Variants in EFNA5 observed in about 807,000 individuals in gnomAD.
EFNA5 encodes ephrin-A5.
Under a neutral mutation model 22.9 loss-of-function variants are expected in EFNA5, and 5 were observed. The ratio of observed to expected loss-of-function variants is 0.22; its 90% CI spans 0.11 to 0.46. The LOEUF (loss-of-function observed/expected upper bound fraction) is 0.46. Among genes scored for constraint, EFNA5 ranks in the 20% least tolerant of loss-of-function variants. The probability of loss-of-function intolerance (pLI) is 0.99; values close to 1 mark genes in which losing one functional copy is unlikely to be tolerated. For synonymous variants in EFNA5, 113 were observed against 112.2 expected (o/e 1.01, Z -0.04); for missense variants, 237 against 293.3 (o/e 0.81, Z 1.40).
intron 1 of EFNA5, among the ~76,000 whole-genome samples, chr5:107,565,908 A>G (rs1580533531): frequency 6.6e-6 from 1 of 152,348 alleles, no homozygotes; most frequent in Admixed American, 6.5e-5. Flanking sequence ...ATTTTACTTT[A>G]GCTGCTGCTT....
At chr5:107,599,639 A>G (rs1427247805) in intron 1 of EFNA5, among the ~76,000 whole-genome samples, 1 of 152,238 alleles carries the variant, frequency 6.6e-6, no homozygotes, top group African/African-American at 2.4e-5. Context: ...ACTTTTTATA[A>G]CATGTAGTAA....
At chr5:107,472,716 G>C (rs1750171985) in intron 1 of EFNA5, among the ~76,000 whole-genome samples, 2 of 152,188 alleles carry the variant, frequency 1.3e-5, no homozygotes, top group Admixed American at 1.3e-4. Context: ...AGAGACATCT[G>C]CAGCACAGAG....
intron 1 of EFNA5, among the ~76,000 whole-genome samples, chr5:107,437,379 C>T (rs1298015228): frequency 6.6e-6 from 1 of 152,126 alleles, no homozygotes; most frequent in African/African-American, 2.4e-5. Context: ...CAGTTAGGAC[C>T]TTGTGAGCAG....
At chr5:107,460,537 A>C (rs1749810056) in intron 1 of EFNA5, among the ~76,000 whole-genome samples, 1 of 152,218 alleles carries the variant, frequency 6.6e-6, no homozygotes, top group Non-Finnish European at 1.5e-5. Context: ...TTGAGTGAGT[A>C]AAGCCTCTTT....
At chr5:107,478,743 T>C (rs552791134) in intron 1 of EFNA5, among the ~76,000 whole-genome samples, 8 of 152,318 alleles carry the variant, frequency 5.3e-5, no homozygotes, top group East Asian at 3.9e-4. Context: ...CTGGAACCAA[T>C]AGAAATCCTG....
In EFNA5 at chr5:107,499,631, G is replaced by T. The variant is rs541411027; in HGVS notation, c.126-72122C>A. Among the ~76,000 whole-genome samples, 4 of 152,308 alleles carry T rather than the reference G, an allele frequency of 2.6e-5. No individual in the cohort carries two copies. In the East Asian group the frequency reaches 7.7e-4, roughly 29 times the overall value. ...CAGATGGACTAGCATTGGCCTATAT[G>T]TGCACAGAGATACAGGTATTAGCCA... On this transcript the variant is annotated intron_variant, in intron 1 of 4. Transcript: ENST00000333274.
chr5:107,488,698 C>CT (rs59146531), intron 1 of EFNA5, among the ~76,000 whole-genome samples: 6,568 of 151,650 alleles, frequency 0.043, 471 homozygotes, highest in African/African-American at 0.15. Context: ...CAAAAAAACT[C>CT]TTTTTTTTTC....
At chr5:107,582,873 A>T (rs1401832646) in intron 1 of EFNA5, among the ~76,000 whole-genome samples, 1 of 152,148 alleles carries the variant, frequency 6.6e-6, no homozygotes, top group African/African-American at 2.4e-5. Context: ...AGATGAATAG[A>T]TAGAAGATTA....
At chr5:107,451,229 A>G (rs1328296342) in intron 1 of EFNA5, among the ~76,000 whole-genome samples, 3 of 152,224 alleles carry the variant, frequency 2.0e-5, no homozygotes, top group Non-Finnish European at 4.4e-5. Flanking sequence ...CATTTACTTC[A>G]CATGTGTAAT....
chr5:107,429,106 C>G (rs749596061), intron 1 of EFNA5, among the ~76,000 whole-genome samples: 2 of 152,116 alleles, frequency 1.3e-5, no homozygotes, highest in Non-Finnish European at 2.9e-5. Context: ...AACATAATAA[C>G]GACCTCTGAC....
At chr5:107,523,059 A>G (rs1459195001) in intron 1 of EFNA5, among the ~76,000 whole-genome samples, 1 of 152,204 alleles carries the variant, frequency 6.6e-6, no homozygotes, top group Non-Finnish European at 1.5e-5. Flanking sequence ...TTACCAAGTT[A>G]ATATCACTAA....
At chr5:107,499,235 C>T (rs138979868) in intron 1 of EFNA5, among the ~76,000 whole-genome samples, 2 of 152,180 alleles carry the variant, frequency 1.3e-5, no homozygotes, top group East Asian at 3.9e-4. Flanking sequence ...TTAAATCTCC[C>T]ACAATGCACA....
chr5:107,575,088 C>A (rs1008998047), intron 1 of EFNA5, among the ~76,000 whole-genome samples: 5 of 152,146 alleles, frequency 3.3e-5, no homozygotes, highest in African/African-American at 1.2e-4. Flanking sequence ...CACATTAACT[C>A]TTCAAACGTA....
intron 2 of EFNA5, among the ~76,000 whole-genome samples, chr5:107,422,701 G>A (rs1300091594): frequency 6.6e-6 from 1 of 152,176 alleles, no homozygotes; most frequent in East Asian, 1.9e-4. Context: ...TCAGGGAAAG[G>A]AGTTCAACCA....
chr5:107,427,121 A>G (rs1304276980), intron 2 of EFNA5, 96 bp downstream of exon 2: 2 of 1,322,860 alleles, frequency 1.5e-6, no homozygotes, highest in African/African-American at 2.9e-5. Context: ...TCTGTAATGC[A>G]GAGTCCAGCT....
chr5:107,561,128 A>G (rs1299879865), intron 1 of EFNA5, among the ~76,000 whole-genome samples: 2 of 152,140 alleles, frequency 1.3e-5, no homozygotes, highest in Non-Finnish European at 2.9e-5. Flanking sequence ...CTGATGAGCA[A>G]ATTAAGCATA....
In EFNA5 at chr5:107,635,238, C is replaced by T. The variant is rs115384746; in HGVS notation, c.125+35251G>A. On this transcript the variant is annotated intron_variant, in intron 1 of 4. Coordinates refer to ENST00000333274, the MANE Select transcript of EFNA5 (RefSeq NM_001962.3). ...CGGCCAAAGTCAATAAATCATGATG[C>T]CGGGTTTTTACTTTAATGTATAACT... Among the ~76,000 whole-genome samples the T allele has an allele frequency of 3.2e-3, 484 of 152,212 alleles. 4 individuals carry two copies. The highest frequency in any genetic ancestry group is 0.011 in the African/African-American group (453 of 41,540).
chr5:107,635,565 T>C (rs1284317696), intron 1 of EFNA5, among the ~76,000 whole-genome samples: 1 of 152,238 alleles, frequency 6.6e-6, no homozygotes, highest in South Asian at 2.1e-4. Flanking sequence ...ACCCCAGGGA[T>C]TTCATTTTGT....
chr5:107,542,530 T>C (rs1316649509), intron 1 of EFNA5, among the ~76,000 whole-genome samples: 1 of 151,614 alleles, frequency 6.6e-6, no homozygotes, highest in Non-Finnish European at 1.5e-5. Context: ...ACTTTCCTTT[T>C]TCTGTCTGTG....
Sources: gnomAD v4.1 joint callset for allele counts (sites outside exome capture counted in the v4.1 genomes callset) on GRCh38, gnomAD v4.1.1 for gene constraint, MANE v1.5 for transcripts, NCBI Gene and HGNC (gene_info 2026-07-23, HGNC 2026-07-21) for gene names.